The following NUDT4 variants were observed in gnomAD, a reference collection of about 807,000 sequenced individuals.
NUDT4 encodes the protein nudix hydrolase 4.
In NUDT4, 5 loss-of-function variants were observed where a neutral mutation model predicts 23.1. That is an observed-to-expected ratio of 0.22 (90% CI 0.11 to 0.46). NUDT4 has a LOEUF of 0.46. Ranked by LOEUF, NUDT4 falls within the 20% of genes least tolerant of loss-of-function variation. The pLI, the probability that NUDT4 is intolerant of heterozygous loss-of-function variation, is 0.99. For synonymous variants in NUDT4, 50 were observed against 79.0 expected, an observed-to-expected ratio of 0.63 and a Z score of 1.95; for missense variants, 96 against 211.6, an observed-to-expected ratio of 0.45 and a Z score of 3.39.
In NUDT4 at chr12:93,378,277, A is replaced by G; in HGVS notation, c.-46A>G. ...GCGGGGTGGCGGCGGCCGGGCCCCC[A>G]CGGCGGCGGCCGGAGCAGCAGCAGC... On this transcript the variant is annotated 5_prime_UTR_variant, in exon 1 of 5. Transcript: ENST00000415493. The G allele has an allele frequency of 1.2e-6, 1 of 806,604 alleles. No homozygotes were observed. Among genetic ancestry groups the G allele is most frequent in the African/African-American group, 3.3e-5 (1 of 30,542 alleles). 50.0% of individuals were successfully genotyped at this position (806,604 alleles called of 1,614,324 possible).
rs1877333989 is a variant in NUDT4 at position 93,400,711 on chromosome 12, G to C, written c.*1332G>C. 6.6e-6 allele frequency: 1 copy of C among 152,624 alleles called. No homozygotes were observed. Among genetic ancestry groups the C allele is most frequent in the African/African-American group, 2.4e-5 (1 of 41,490 alleles). 9.5% of individuals were successfully genotyped at this position (152,624 alleles called of 1,614,324 possible). On this transcript the variant is annotated 3_prime_UTR_variant, in exon 5 of 5. Transcript: ENST00000415493. ...CGCAACCTCCGCCTCCCGGGTTCAA[G>C]CGATTCTCCTGCCTCAGCCTCCCGA...
intron 1 of NUDT4, 90 bp downstream of exon 1, chr12:93,378,511 G>A: frequency 1.5e-6 from 2 of 1,356,406 alleles, no homozygotes; most frequent in East Asian, 3.0e-5. Context: ...TGCGCAGGCT[G>A]CGGGGCTGGG....
At chr12:93,381,651 A>T (rs935418956) in intron 1 of NUDT4, among the ~76,000 whole-genome samples, 1 of 152,184 alleles carries the variant, frequency 6.6e-6, no homozygotes, top group Non-Finnish European at 1.5e-5. Flanking sequence ...AGGAGGGACC[A>T]GGCGTCCCAA....
intron 3 of NUDT4, among the ~76,000 whole-genome samples, chr12:93,397,877 GGAA>G (rs1877048817): frequency 6.6e-6 from 1 of 152,114 alleles, no homozygotes; most frequent in Admixed American, 6.5e-5. Context: ...AGTGCTTAAA[GGAA>G]CTGGTGCTGT....
At chr12:93,380,135 G>A (rs1469347093) in intron 1 of NUDT4, among the ~76,000 whole-genome samples, 3 of 152,150 alleles carry the variant, frequency 2.0e-5, no homozygotes, top group African/African-American at 4.8e-5. Context: ...TCCTGATGTT[G>A]GGCTCTGTTT....
In NUDT4 at chr12:93,386,430, A is replaced by G. The variant is rs111766797; in HGVS notation, c.99+8009A>G. Reference sequence around the variant, plus strand: ...AGTCTCCACTAAAAATACAAAAAAAATGAGCCGAGCATGGTGGTGTGTACC... The same window carrying G: ...AGTCTCCACTAAAAATACAAAAAAAGTGAGCCGAGCATGGTGGTGTGTACC... On this transcript the variant is annotated intron_variant, in intron 1 of 4. Coordinates refer to ENST00000415493, the MANE Select transcript of NUDT4 (RefSeq NM_019094.6). Among the ~76,000 whole-genome samples, 9 of 152,258 alleles carry G rather than the reference A, an allele frequency of 5.9e-5. 1 individual carries two copies. Among genetic ancestry groups the G allele is most frequent in the African/African-American group, 2.2e-4 (9 of 41,544 alleles).
At chr12:93,380,222 T>A (rs1026715587) in intron 1 of NUDT4, among the ~76,000 whole-genome samples, 2 of 152,144 alleles carry the variant, frequency 1.3e-5, no homozygotes, top group African/African-American at 4.8e-5. Context: ...TGCCATAATG[T>A]GAACTTGGAA....
intron 1 of NUDT4, among the ~76,000 whole-genome samples, chr12:93,379,190 A>G (rs1313401974): frequency 6.6e-6 from 1 of 152,186 alleles, no homozygotes; most frequent in Non-Finnish European, 1.5e-5. Flanking sequence ...TCTCGTTCTC[A>G]GAGCAGTCGT....
rs558397756 is a variant in NUDT4, at chr12:93,406,915, G to T, written c.*7536G>T. 1 of 152,210 alleles carries T rather than the reference G, an allele frequency of 6.6e-6. No individual in the cohort carries two copies. Among genetic ancestry groups the T allele is most frequent in the African/African-American group, 2.4e-5 (1 of 41,442 alleles). 9.4% of individuals were successfully genotyped at this position (152,210 alleles called of 1,614,324 possible). On this transcript the variant is annotated 3_prime_UTR_variant, in exon 5 of 5. Transcript: ENST00000415493. ...CCTTTGAGAGGATGAAGGATAACTAGAGCAGAAGCAAATCGCAGCGAAGTA... is the reference window on the plus strand; with the variant it reads ...CCTTTGAGAGGATGAAGGATAACTATAGCAGAAGCAAATCGCAGCGAAGTA...
chr12:93,393,873 ATTC>A (rs1397255610), intron 1 of NUDT4, among the ~76,000 whole-genome samples: 2 of 152,186 alleles, frequency 1.3e-5, no homozygotes, highest in Non-Finnish European at 2.9e-5. Context: ...TCTTCTTAGT[ATTC>A]TTATTTTTTA....
At chr12:93,380,511 A>C (rs1003634237) in intron 1 of NUDT4, among the ~76,000 whole-genome samples, 2 of 152,178 alleles carry the variant, frequency 1.3e-5, no homozygotes, top group African/African-American at 4.8e-5. Flanking sequence ...CCATTGTATA[A>C]AACTTTGTAA....
In NUDT4 at chr12:93,394,641, C is replaced by T; in HGVS notation, c.132C>T (p.Asp44=). 1 of 1,554,686 alleles carries T rather than the reference C, an allele frequency of 6.4e-7. No homozygotes were observed. The highest frequency in any genetic ancestry group is 8.7e-7 in the Non-Finnish European group (1 of 1,148,542). ...VLLVSSSRYP[D]QWIVPGGGME... is the part of the protein sequence containing the mutation. The stretch of plus-strand genomic sequence containing the variant: ...TGGTGAGTAGCAGCCGGTACCCAGA[C>T]CAGTGGATTGTCCCAGGAGGAGGAA... Residue 44 remains aspartate, a synonymous_variant, in exon 2 of 5, where the codon GAC becomes GAT. Transcript: ENST00000415493.
At chr12:93,398,965 C>A in intron 4 of NUDT4, 110 bp downstream of exon 4, 1 of 867,866 alleles carries the variant, frequency 1.2e-6, no homozygotes, top group Non-Finnish European at 1.8e-6. Flanking sequence ...GCTTATATTC[C>A]TGTGTCCAGT....
rs1266108127 is a variant in NUDT4 at position 93,400,810 on chromosome 12, T to C, written c.*1431T>C. ...TTTTAGTAGAGACAGGGTTTCTTCA[T>C]GTTGGTCAGGCTGGTCTCAAACTCC... is the stretch of plus-strand genomic sequence containing the variant. On this transcript the variant is annotated 3_prime_UTR_variant, in exon 5 of 5. Coordinates refer to ENST00000415493, the MANE Select transcript of NUDT4 (RefSeq NM_019094.6). 6.6e-6 allele frequency: 1 copy of C among 152,322 alleles called. No individual in the cohort carries two copies. Among genetic ancestry groups the C allele is most frequent in the East Asian group, 1.9e-4 (1 of 5,210 alleles). The allele number at this position is 152,322 out of a possible 1,614,324, so 9.4% of individuals were successfully genotyped here.
chr12:93,384,090 C>G (rs544593596), intron 1 of NUDT4, among the ~76,000 whole-genome samples: 6 of 152,226 alleles, frequency 3.9e-5, no homozygotes, highest in African/African-American at 9.6e-5. Flanking sequence ...ATTACATAGC[C>G]CTTGAACAGC....
At chr12:93,387,851 C>G (rs1196881568) in intron 1 of NUDT4, among the ~76,000 whole-genome samples, 1 of 152,046 alleles carries the variant, frequency 6.6e-6, no homozygotes, top group Non-Finnish European at 1.5e-5. Flanking sequence ...TCTACTAATG[C>G]TGTTCATATT....
intron 1 of NUDT4, among the ~76,000 whole-genome samples, chr12:93,386,938 T>C (rs77112552): frequency 6.8e-6 from 1 of 146,494 alleles, no homozygotes; most frequent in African/African-American, 2.4e-5. Flanking sequence ...GATTTTTTTT[T>C]ATTATTATTA....
rs1877864720 is a variant in NUDT4, at chr12:93,407,116, G to C, written c.*7737G>C. On this transcript the variant is annotated 3_prime_UTR_variant, in exon 5 of 5. Transcript: ENST00000415493. ...TCCTGCCTTGGCCTCCTAAAGTGCT[G>C]GGATTACAGGCATGAGCCACTGTGC... is the stretch of plus-strand genomic sequence containing the variant. 1 of 152,368 alleles carries C rather than the reference G, an allele frequency of 6.6e-6. No individual in the cohort carries two copies. The highest frequency in any genetic ancestry group is 2.4e-5 in the African/African-American group (1 of 41,432). The allele number at this position is 152,368 out of a possible 1,614,324, so 9.4% of individuals were successfully genotyped here.
At chr12:93,396,609 A>C (rs1876951193) in intron 3 of NUDT4, among the ~76,000 whole-genome samples, 1 of 152,158 alleles carries the variant, frequency 6.6e-6, no homozygotes, top group African/African-American at 2.4e-5. Context: ...TTTTACCGGA[A>C]TACAGTAATT....
Sources: gnomAD v4.1 joint callset for allele counts (sites outside exome capture counted in the v4.1 genomes callset) on GRCh38, gnomAD v4.1.1 for gene constraint, MANE v1.5 for transcripts, NCBI Gene and HGNC (gene_info 2026-07-23, HGNC 2026-07-21) for gene names.